Variants in NTRK1 observed in about 807,000 individuals in gnomAD.
NTRK1 encodes neurotrophic receptor tyrosine kinase 1.
NTRK1 carries 62 observed loss-of-function variants against 86.8 expected under a neutral mutation model. The ratio of observed to expected loss-of-function variants is 0.71; its 90% CI spans 0.58 to 0.88. The LOEUF (loss-of-function observed/expected upper bound fraction) is 0.88, where lower values mean the gene tolerates loss of function less well. NTRK1 is among the 40% of genes least tolerant of loss of function. The pLI is 0.00. For missense variants in NTRK1, 967 were observed against 1,078.4 expected, an observed-to-expected ratio of 0.90 and a Z score of 1.45; for synonymous variants, 469 against 456.6, an observed-to-expected ratio of 1.03 and a Z score of -0.35.
rs988343001 is a variant in NTRK1, at chr1:156,865,056, C to T, written c.359+257C>T. 6 of 550,410 alleles carry T rather than the reference C, an allele frequency of 1.1e-5. No homozygotes were observed. The East Asian group carries it at 1.3e-4, about 12-fold the overall frequency. 34.1% of individuals were successfully genotyped at this position (550,410 alleles called of 1,614,324 possible). Reference sequence around the variant, plus strand: ...AGGACACTTCTCATAGGTGCCTGCCCTATCTTTCTTCCCAGGGCTCAGATA... The same window carrying T: ...AGGACACTTCTCATAGGTGCCTGCCTTATCTTTCTTCCCAGGGCTCAGATA... On this transcript the variant is annotated intron_variant, in intron 3 of 16. Transcript: ENST00000524377.
At chr1:156,856,072 G>A (rs1364024655), upstream of NTRK1, among the ~76,000 whole-genome samples, 1 of 151,982 alleles carries the variant, frequency 6.6e-6, no homozygotes, top group East Asian at 1.9e-4. Flanking sequence ...GCCTCCCAAA[G>A]TGATGGGATT....
chr1:156,874,334 T>A (rs1229953536), intron 8 of NTRK1, 49 bp from the exon 9 acceptor site: 7 of 1,611,558 alleles, frequency 4.3e-6, no homozygotes, highest in African/African-American at 1.3e-5. Context: ...TCCCTCTGAC[T>A]GCTTTCTCTC....
At chr1:156,856,326 G>T (rs953371253), upstream of NTRK1, among the ~76,000 whole-genome samples, 2 of 152,176 alleles carry the variant, frequency 1.3e-5, no homozygotes, top group Non-Finnish European at 1.5e-5. Context: ...TTCTGTGACT[G>T]CGAAGAAGTG....
chr1:156,849,513 G>GGGGGGGGGCGGGGGGGGGT, intron 2 of NTRK1: 2 of 486,120 alleles, frequency 4.1e-6, no homozygotes, highest in Non-Finnish European at 8.3e-6. Flanking sequence ...CAGGGGGTGG[G>GGGGGGGGGCGGGGGGGGGT]AAAGGGGATG....
chr1:156,871,515 C>A, intron 6 of NTRK1, 108 bp from the exon 7 acceptor site: 1 of 1,239,532 alleles, frequency 8.1e-7, no homozygotes, highest in Non-Finnish European at 1.2e-6. Flanking sequence ...TCCCTCCCAG[C>A]CCTCCTCTCC....
chr1:156,871,601 C>A (rs1469351631), intron 6 of NTRK1, 22 bp from the exon 7 acceptor site: 1 of 1,613,888 alleles, frequency 6.2e-7, no homozygotes, highest in Non-Finnish European at 8.5e-7. Context: ...CTTCTTATTC[C>A]CCCCTCTCTT....
chr1:156,876,463 A>G lies in NTRK1; in HGVS notation c.1696A>G (p.Met566Val). The change falls in exon 14 of 17, where the codon ATG becomes GTG. Residue 566 changes from methionine to valine, a missense_variant. Met to Val is a conservative substitution (Grantham distance 21). Transcript: ENST00000524377. The stretch of plus-strand genomic sequence containing the variant: ...CCAGCGTGAGGCTGAGCTGCTCACC[A>G]TGCTGCAGCACCAGCACATCGTGCG... ...DFQREAELLT[M>V]LQHQHIVRFF... The G allele has an allele frequency of 6.2e-7, 1 of 1,613,818 alleles. No homozygotes were observed. The highest frequency in any genetic ancestry group is 1.1e-5 in the South Asian group (1 of 91,072).
chr1:156,822,940 T>G (rs1285935614), intron 1 of NTRK1, among the ~76,000 whole-genome samples: 1 of 152,212 alleles, frequency 6.6e-6, no homozygotes, highest in Non-Finnish European at 1.5e-5. Context: ...TAGCTCCTCA[T>G]GGTAACCATA....
rs1480633094 is a variant in NTRK1 at position 156,876,085 on chromosome 1, C to T, written c.1507C>T (p.His503Tyr). The change falls in exon 13 of 17, where the codon CAC becomes TAC. Residue 503 changes from histidine to tyrosine, a missense_variant. His to Tyr is a moderately conservative substitution (Grantham distance 83). Transcript: ENST00000524377. Reference protein sequence around the residue: ...NPQYFSDACVHHIKRRDIVLK... With the variant: ...NPQYFSDACVYHIKRRDIVLK... ...GACCCTGCAAGCCCCCTCAGGTGTT[C>T]ACCACATCAAGCGCCGGGACATCGT... The T allele has an allele frequency of 6.2e-7, 1 of 1,614,096 alleles. No homozygotes were observed.
chr1:156,867,805 G>C lies in NTRK1; in HGVS notation c.429-299G>C, dbSNP rs552917018. ...TCTCCTGCCTCAGCCTCCTGAGTAGGTGGGACTACAGGTGCCCGCCACCAT... is the reference window on the plus strand; with the variant it reads ...TCTCCTGCCTCAGCCTCCTGAGTAGCTGGGACTACAGGTGCCCGCCACCAT... On this transcript the variant is annotated intron_variant, in intron 4 of 16. Coordinates refer to ENST00000524377, the MANE Select transcript of NTRK1 (RefSeq NM_002529.4). Among the ~76,000 whole-genome samples the C allele has an allele frequency of 3.6e-4, 54 of 152,022 alleles. 1 individual carries two copies. Among genetic ancestry groups the C allele is most frequent in the South Asian group, 1.2e-3 (6 of 4,816 alleles).
In NTRK1 at chr1:156,861,044, C is replaced by A; in HGVS notation, c.110C>A (p.Pro37His). ...ILASAGAAPC[P>H]DACCPHGSSG... The stretch of plus-strand genomic sequence containing the variant: ...GCATCTGCGGGCGCCGCACCCTGCC[C>A]CGATGCCTGCTGCCCCCACGGCTCC... The change falls in exon 1 of 17, where the codon CCC becomes CAC. Residue 37 changes from proline to histidine, a missense_variant. Pro to His is a moderately conservative substitution (Grantham distance 77). This residue lies in a region of NTRK1 where 330 missense variants were observed against 302.0 expected (regional missense o/e 1.09). Coordinates refer to ENST00000524377, the MANE Select transcript of NTRK1 (RefSeq NM_002529.4). 6.4e-7 allele frequency: 1 copy of A among 1,555,098 alleles called. No homozygotes were observed. Among genetic ancestry groups the A allele is most frequent in the African/African-American group, 1.4e-5 (1 of 73,962 alleles).
At chr1:156,837,569 C>G in intron 1 of NTRK1, among the ~76,000 whole-genome samples, 1 of 152,286 alleles carries the variant, frequency 6.6e-6, no homozygotes, top group East Asian at 1.9e-4. Flanking sequence ...CTTTGTCAAT[C>G]GACCTCACAG....
At chr1:156,849,397 C>T (rs371631913) in intron 2 of NTRK1, 5 of 1,613,356 alleles carry the variant, frequency 3.1e-6, no homozygotes, top group East Asian at 2.2e-5. Flanking sequence ...TGGTGAGCCC[C>T]GCGGCCACCC....
chr1:156,828,409 G>GA (rs902005247), intron 1 of NTRK1, among the ~76,000 whole-genome samples: 12 of 150,816 alleles, frequency 8.0e-5, no homozygotes, highest in South Asian at 2.1e-4. Context: ...ACATTTTGAG[G>GA]AAAAAAAAAG....
At chr1:156,845,256 GC>G in intron 2 of NTRK1, 1 of 1,611,682 alleles carries the variant, frequency 6.2e-7, no homozygotes, top group East Asian at 2.2e-5. Flanking sequence ...TTGCCCCCCA[GC>G]CGGAGGGGCC....
At chr1:156,831,266 G>A (rs1055893045) in intron 1 of NTRK1, among the ~76,000 whole-genome samples, 13 of 152,234 alleles carry the variant, frequency 8.5e-5, no homozygotes, top group Admixed American at 2.0e-4. Context: ...GTCATTTGGA[G>A]CTGTGGCAGG....
At chr1:156,820,626 C>A (rs1467467831) in intron 1 of NTRK1, among the ~76,000 whole-genome samples, 1 of 152,226 alleles carries the variant, frequency 6.6e-6, no homozygotes, top group African/African-American at 2.4e-5. Context: ...GTTCTCTATT[C>A]TGTTCCATTG....
chr1:156,867,825 C>T (rs1647254151), intron 4 of NTRK1, among the ~76,000 whole-genome samples: 2 of 151,756 alleles, frequency 1.3e-5, no homozygotes, highest in South Asian at 4.2e-4. Flanking sequence ...AGGTGCCCGC[C>T]ACCATGCCTG....
intron 8 of NTRK1, 127 bp from the exon 9 acceptor site, chr1:156,874,256 C>T (rs1010109401): frequency 1.4e-6 from 2 of 1,435,762 alleles, no homozygotes. Flanking sequence ...CAGCAGCCCA[C>T]CTCCATCCCC....
Sources: allele counts gnomAD v4.1 joint callset (sites outside exome capture counted in the v4.1 genomes callset), GRCh38; gene constraint gnomAD v4.1.1; regional missense constraint gnomAD v4.1.1; transcripts MANE v1.5; gene names NCBI Gene and HGNC (gene_info 2026-07-23, HGNC 2026-07-21).